Variants in EPB41L1 observed in about 807,000 individuals in gnomAD.
EPB41L1 encodes erythrocyte membrane protein band 4.1 like 1, also known as band 4.1-like protein 1.
A neutral mutation model predicts 97.8 loss-of-function variants in EPB41L1; 29 were observed. The observed-to-expected ratio is 0.30, with a 90% confidence interval of 0.22 to 0.40. The LOEUF is 0.40. EPB41L1 is among the 10% of genes least tolerant of loss of function. The pLI is 1.00. For synonymous variants in EPB41L1, 383 were observed against 459.2 expected (o/e 0.83, Z 2.12); for missense variants, 812 against 1,162.3 (o/e 0.70, Z 4.38).
chr20:36,188,451 G>C lies in EPB41L1; in HGVS notation c.978G>C (p.Lys326Asn), dbSNP rs1169592529. The part of the protein sequence containing the change: ...INRFAWPKIL[K>N]ISYKRSNFYI... ...GCTTTGCCTGGCCCAAGATCCTCAA[G>C]ATCTCCTACAAGAGGAGTAACTTCT... The change falls in exon 9 of 22, where the codon AAG becomes AAC. Residue 326 changes from lysine (K) to asparagine (N), a missense_variant. Lys to Asn is a moderately conservative substitution (Grantham distance 94). Transcript: ENST00000338074. 1 of 1,613,982 alleles carries C rather than the reference G, an allele frequency of 6.2e-7. No homozygotes were observed.
intron 2 of EPB41L1, 21 bp from the exon 3 acceptor site, chr20:36,175,530 T>C: frequency 6.2e-7 from 1 of 1,614,082 alleles, no homozygotes; most frequent in Non-Finnish European, 8.5e-7. Flanking sequence ...GAGCAAACTA[T>C]TCCCTTGCTT....
intron 7 of EPB41L1, among the ~76,000 whole-genome samples, chr20:36,185,731 C>T (rs1195137844): frequency 6.6e-6 from 1 of 152,222 alleles, no homozygotes; most frequent in Non-Finnish European, 1.5e-5. Context: ...TATACTGGCT[C>T]TGCCACTTTC....
At chr20:36,107,153 G>A (rs147857652) in intron 1 of EPB41L1, among the ~76,000 whole-genome samples, 1 of 149,960 alleles carries the variant, frequency 6.7e-6, no homozygotes, top group African/African-American at 2.4e-5. Context: ...TTAAAAGAAT[G>A]CTCCCTTCAT....
chr20:36,178,816 C>T (rs933431105), intron 5 of EPB41L1, 144 bp downstream of exon 5: 10 of 924,832 alleles, frequency 1.1e-5, no homozygotes, highest in East Asian at 2.4e-5. Flanking sequence ...CAACACTTTG[C>T]GAGGCTAAGG....
intron 6 of EPB41L1, among the ~76,000 whole-genome samples, chr20:36,184,525 T>C (rs1464434025): frequency 1.3e-5 from 2 of 152,174 alleles, no homozygotes; most frequent in African/African-American, 4.8e-5. Context: ...TGGGAAAGCA[T>C]TGGCAAGCAG....
chr20:36,185,464 G>A, intron 7 of EPB41L1, 129 bp downstream of exon 7: 1 of 855,194 alleles, frequency 1.2e-6, no homozygotes, highest in Non-Finnish European at 1.9e-6. Flanking sequence ...CCTAGCTTGA[G>A]GTATATCTAA....
intron 1 of EPB41L1, among the ~76,000 whole-genome samples, chr20:36,167,034 A>G (rs1014557159): frequency 1.3e-5 from 2 of 152,196 alleles, no homozygotes; most frequent in African/African-American, 4.8e-5. Context: ...ATGGTTAACA[A>G]TGGCAAAATG....
intron 1 of EPB41L1, among the ~76,000 whole-genome samples, chr20:36,167,940 G>T (rs1286211738): frequency 6.6e-6 from 1 of 152,130 alleles, no homozygotes; most frequent in Admixed American, 6.5e-5. Flanking sequence ...GCAAATCCAA[G>T]TTACTGGACT....
intron 17 of EPB41L1, among the ~76,000 whole-genome samples, chr20:36,217,088 A>ATTC (rs2063490904): frequency 6.6e-6 from 1 of 152,154 alleles, no homozygotes; most frequent in Non-Finnish European, 1.5e-5. Flanking sequence ...AAGTTGGAGA[A>ATTC]CTGCTGATGT....
rs1390319272 is a variant in EPB41L1, at chr20:36,209,433, T to TTC, written c.1669-44_1669-43dup. 1.1e-5 allele frequency: 18 copies of TTC among 1,570,376 alleles called. No homozygotes were observed. The highest frequency in any genetic ancestry group is 1.5e-5 in the Non-Finnish European group (17 of 1,150,652). On this transcript the variant is annotated intron_variant, in intron 14 of 21. Transcript: ENST00000338074. The surrounding 1 kb of genome is among the most constrained non-coding windows in gnomAD (Gnocchi z 4.2). The stretch of plus-strand genomic sequence containing the variant: ...TGACATTCACCATCTTGATTTCTCT[T>TTC]TCTCTCTCTCTCCCCACCCCACATC...
chr20:36,102,006 A>AAAAACAAAACAAAACAAAAC (rs202030350), intron 1 of EPB41L1, among the ~76,000 whole-genome samples: 132 of 137,658 alleles, frequency 9.6e-4, no homozygotes, highest in Middle Eastern at 7.4e-3. Flanking sequence ...CTCTGTCTCA[A>AAAAACAAAACAAAACAAAAC]AAAACAAAAC....
rs149677857 is a variant in EPB41L1 at position 36,163,895 on chromosome 20, C to T, written c.-15+8999C>T. The stretch of plus-strand genomic sequence containing the variant: ...TTTTTTTTTAAGACAGAGTCTCTGT[C>T]GTCCAGGCTAGAGTGCAGTAGCATG... On this transcript the variant is annotated intron_variant, in intron 1 of 21. Transcript: ENST00000338074. Among the ~76,000 whole-genome samples, 4 of 152,204 alleles carry T rather than the reference C, an allele frequency of 2.6e-5. No homozygotes were observed. In the East Asian group the frequency reaches 7.7e-4, roughly 29 times the overall value.
chr20:36,165,727 C>T (rs2060713695), intron 1 of EPB41L1, among the ~76,000 whole-genome samples: 1 of 152,150 alleles, frequency 6.6e-6, no homozygotes, highest in Non-Finnish European at 1.5e-5. Flanking sequence ...AGGAAGTGAC[C>T]TGCCCAAAGC....
chr20:36,211,206 G>A (rs2063111789), intron 15 of EPB41L1, among the ~76,000 whole-genome samples: 1 of 151,782 alleles, frequency 6.6e-6, no homozygotes, highest in Non-Finnish European at 1.5e-5. Flanking sequence ...GACCAACATG[G>A]TGAAACCTTG....
chr20:36,178,181 C>T (rs924175363), intron 4 of EPB41L1, 125 bp downstream of exon 4: 1 of 765,962 alleles, frequency 1.3e-6, no homozygotes, highest in African/African-American at 1.7e-5. Flanking sequence ...GTCCCCAAGG[C>T]TCAACCAGCC....
At position 36,222,401 on chromosome 20, in the gene EPB41L1, C is replaced by A; in HGVS notation, c.2637+7C>A. The A allele has an allele frequency of 6.2e-7, 1 of 1,601,936 alleles. No individual in the cohort carries two copies. Among genetic ancestry groups the A allele is most frequent in the Non-Finnish European group, 8.6e-7 (1 of 1,169,316 alleles). On this transcript the variant is annotated splice_region_variant and intron_variant, in intron 21 of 21. Coordinates refer to ENST00000338074, the MANE Select transcript of EPB41L1 (RefSeq NM_012156.2). Reference sequence around the variant, plus strand: ...GAGGGACAAGAAGCCACAGGTAAGGCTCCTGAGGCCCAGCAACCATGAGAG... The same window carrying A: ...GAGGGACAAGAAGCCACAGGTAAGGATCCTGAGGCCCAGCAACCATGAGAG...
At chr20:36,187,600 T>C (rs2061736497) in intron 7 of EPB41L1, 76 bp from the exon 8 acceptor site, 19 of 1,180,848 alleles carry the variant, frequency 1.6e-5, no homozygotes, top group Non-Finnish European at 2.4e-5. Context: ...TGGGTTCTGA[T>C]GGTGGGCACC....
At chr20:36,149,419 G>A (rs2059960151) in intron 2 of EPB41L1, among the ~76,000 whole-genome samples, 1 of 152,232 alleles carries the variant, frequency 6.6e-6, no homozygotes, top group Non-Finnish European at 1.5e-5. Context: ...CACGGTCTGG[G>A]CTGGATGGAA....
chr20:36,181,563 A>G (rs2061472963), intron 5 of EPB41L1, among the ~76,000 whole-genome samples: 1 of 152,098 alleles, frequency 6.6e-6, no homozygotes, highest in Non-Finnish European at 1.5e-5. Context: ...TTATAATCCA[A>G]TCCTGTCTTC....
Sources: gnomAD v4.1 joint callset for allele counts (sites outside exome capture counted in the v4.1 genomes callset) on GRCh38, gnomAD v4.1.1 for gene constraint, Gnocchi (gnomAD v3.1) non-coding constraint, MANE v1.5 for transcripts, NCBI Gene and HGNC (gene_info 2026-07-23, HGNC 2026-07-21) for gene names.